Variants in EPHA5 observed in about 807,000 individuals in gnomAD.
EPHA5 encodes ephrin type-A receptor 5.
Under a neutral mutation model 105.0 loss-of-function variants are expected in EPHA5, and 60 were observed. That is an observed-to-expected ratio of 0.57 (90% CI 0.46 to 0.71). The LOEUF is 0.71. Ranked by LOEUF, EPHA5 falls within the 30% of genes least tolerant of loss-of-function variation. EPHA5 has a pLI of 0.00. For missense variants in EPHA5, 1,218 were observed against 1,274.7 expected, an observed-to-expected ratio of 0.96 and a Z score of 0.68; for synonymous variants, 513 against 449.1, an observed-to-expected ratio of 1.14 and a Z score of -1.80.
At chr4:65,517,817 C>T (rs1215141756) in intron 3 of EPHA5, among the ~76,000 whole-genome samples, 3 of 151,672 alleles carry the variant, frequency 2.0e-5, no homozygotes, top group African/African-American at 7.3e-5. Context: ...TAGCCCTTTC[C>T]AAAAAAGTTT....
Position 65,558,978 on chromosome 4 carries a change from A to G in EPHA5, c.910+42663T>C, listed in dbSNP as rs547288306. Among the ~76,000 whole-genome samples the G allele has an allele frequency of 3.3e-5, 5 of 152,214 alleles. No homozygotes were observed. The South Asian group carries it at 1.0e-3, about 32-fold the overall frequency. Reference sequence around the variant, plus strand: ...ATAGTACCCAACAGATAGTTTTTCAACCTTATCCCAAACTCCAGCAGCACA... The same window carrying G: ...ATAGTACCCAACAGATAGTTTTTCAGCCTTATCCCAAACTCCAGCAGCACA... On this transcript the variant is annotated intron_variant, in intron 3 of 16. Coordinates refer to ENST00000613740, the MANE Select transcript of EPHA5 (RefSeq NM_001281766.3).
intron 8 of EPHA5, among the ~76,000 whole-genome samples, chr4:65,396,128 C>T (rs181884895): frequency 6.5e-4 from 99 of 152,308 alleles, no homozygotes; most frequent in South Asian, 1.5e-3. Flanking sequence ...GCTGCCTGGC[C>T]TCTCGCTGCT....
At chr4:65,574,649 TATACAC>T (rs1410983579) in intron 3 of EPHA5, among the ~76,000 whole-genome samples, 12 of 114,464 alleles carry the variant, frequency 1.0e-4, no homozygotes, top group Non-Finnish European at 1.7e-4. Context: ...TACACATATA[TATACAC>T]ATATATATAT....
chr4:65,606,594 A>C (rs529907603), intron 2 of EPHA5, among the ~76,000 whole-genome samples: 1 of 152,270 alleles, frequency 6.6e-6, no homozygotes, highest in Admixed American at 6.5e-5. Context: ...TTATGAGTTT[A>C]GTTTTGCCTA....
intron 8 of EPHA5, among the ~76,000 whole-genome samples, chr4:65,387,592 G>C (rs982755884): frequency 6.6e-6 from 1 of 151,786 alleles, no homozygotes; most frequent in African/African-American, 2.4e-5. Context: ...CCTTACCCTG[G>C]CCCACTACTT....
chr4:65,379,790 C>T (rs1719376846), intron 8 of EPHA5, among the ~76,000 whole-genome samples: 1 of 151,410 alleles, frequency 6.6e-6, no homozygotes, highest in Non-Finnish European at 1.5e-5. Flanking sequence ...AATATAAATA[C>T]CTAATGGCCA....
At chr4:65,400,086 A>C (rs1267480590) in intron 8 of EPHA5, among the ~76,000 whole-genome samples, 1 of 152,192 alleles carries the variant, frequency 6.6e-6, no homozygotes, top group African/African-American at 2.4e-5. Context: ...AGTAAAGTGA[A>C]AAACTTTCTC....
At chr4:65,464,987 A>C (rs564956367) in intron 5 of EPHA5, among the ~76,000 whole-genome samples, 2 of 152,296 alleles carry the variant, frequency 1.3e-5, no homozygotes, top group Admixed American at 1.3e-4. Context: ...ATAGCATAGT[A>C]GAAGAGACAA....
intron 11 of EPHA5, among the ~76,000 whole-genome samples, chr4:65,358,892 A>G (rs2148873912): frequency 6.6e-6 from 1 of 151,628 alleles, no homozygotes; most frequent in East Asian, 2.0e-4. Context: ...CTTGATATAA[A>G]CCTTTTCAAT....
At chr4:65,615,681 A>G (rs1745166855) in intron 2 of EPHA5, among the ~76,000 whole-genome samples, 1 of 151,964 alleles carries the variant, frequency 6.6e-6, no homozygotes, top group African/African-American at 2.4e-5. Context: ...TTATGAAATG[A>G]TGCTAAATGT....
chr4:65,493,776 A>G (rs1265466665), intron 4 of EPHA5, among the ~76,000 whole-genome samples: 2 of 150,800 alleles, frequency 1.3e-5, no homozygotes, highest in African/African-American at 4.9e-5. Flanking sequence ...CTCACGCCCC[A>G]CCCCCATTTC....
chr4:65,460,634 G>T (rs1332596254), intron 5 of EPHA5, among the ~76,000 whole-genome samples: 1 of 151,556 alleles, frequency 6.6e-6, no homozygotes, highest in Non-Finnish European at 1.5e-5. Flanking sequence ...ATTACTCATT[G>T]TCTTAGTAGA....
Position 65,541,992 on chromosome 4 carries a change from C to G in EPHA5, c.911-46449G>C, listed in dbSNP as rs148406919. The stretch of plus-strand genomic sequence containing the variant: ...TGAACAACCTGTTCCTAAATGACTC[C>G]TGGGTAAATAATTAAAGTAAGGCAG... On this transcript the variant is annotated intron_variant, in intron 3 of 16. Coordinates refer to ENST00000613740, the MANE Select transcript of EPHA5 (RefSeq NM_001281766.3). Among the ~76,000 whole-genome samples the G allele has an allele frequency of 5.7e-4, 86 of 152,008 alleles. 2 individuals are homozygous for G. In the East Asian group the frequency reaches 0.016, roughly 28 times the overall value.
intron 6 of EPHA5, among the ~76,000 whole-genome samples, chr4:65,417,464 C>A (rs1723499772): frequency 6.6e-6 from 1 of 152,044 alleles, no homozygotes; most frequent in Non-Finnish European, 1.5e-5. Flanking sequence ...ACACGATGGT[C>A]CGGGAATTAA....
At chr4:65,343,591 A>G (rs60585366) in intron 14 of EPHA5, among the ~76,000 whole-genome samples, 25,049 of 152,222 alleles carry the variant, frequency 0.16, 2,222 homozygotes, top group East Asian at 0.33. Flanking sequence ...TTCTCCAAAG[A>G]AATATTTAGT....
intron 6 of EPHA5, among the ~76,000 whole-genome samples, chr4:65,418,026 G>A (rs1723560855): frequency 6.6e-6 from 1 of 152,096 alleles, no homozygotes; most frequent in African/African-American, 2.4e-5. Flanking sequence ...AAAAGAAAAT[G>A]TAAGTACTTG....
At chr4:65,343,057 G>T (rs924716102) in intron 14 of EPHA5, among the ~76,000 whole-genome samples, 5 of 152,008 alleles carry the variant, frequency 3.3e-5, no homozygotes, top group Admixed American at 3.3e-4. Context: ...AAAATATTGT[G>T]CAATCTATGT....
chr4:65,331,752 T>C, intron 16 of EPHA5: 13 of 1,226,182 alleles, frequency 1.1e-5, no homozygotes, highest in Non-Finnish European at 1.3e-5. Context: ...TATTCAAGTA[T>C]GCCAATGTTA....
chr4:65,544,789 G>A (rs1267063461), intron 3 of EPHA5, among the ~76,000 whole-genome samples: 2 of 151,844 alleles, frequency 1.3e-5, no homozygotes, highest in Non-Finnish European at 2.9e-5. Flanking sequence ...ATTAATTGCA[G>A]CACTGTTCAC....
Sources: gnomAD v4.1 joint callset for allele counts (sites outside exome capture counted in the v4.1 genomes callset) on GRCh38, gnomAD v4.1.1 for gene constraint, MANE v1.5 for transcripts, NCBI Gene and HGNC (gene_info 2026-07-23, HGNC 2026-07-21) for gene names.